RNF6: variants seen among roughly 807,000 people sequenced by gnomAD.
RNF6 encodes ring finger protein 6.
In RNF6, 21 loss-of-function variants were observed where a neutral mutation model predicts 50.1. The observed-to-expected ratio is 0.42, with a 90% CI of 0.30 to 0.60. RNF6 has a LOEUF of 0.60. Ranked by LOEUF, RNF6 falls within the 20% of genes least tolerant of loss-of-function variation. RNF6 has a pLI of 0.20. For missense variants in RNF6, 698 were observed against 838.2 expected, an observed-to-expected ratio of 0.83 and a Z score of 2.07; for synonymous variants, 255 against 291.8, an observed-to-expected ratio of 0.87 and a Z score of 1.29.
chr13:26,174,218 G>A (rs1278277742), intron 5 of RNF6, among the ~76,000 whole-genome samples: 3 of 152,102 alleles, frequency 2.0e-5, no homozygotes, highest in African/African-American at 7.2e-5. Flanking sequence ...CATCCTCTCG[G>A]TGCCTGTCTC....
intron 5 of RNF6, among the ~76,000 whole-genome samples, chr13:26,144,380 C>CT (rs1871122952): frequency 1.1e-4 from 3 of 27,450 alleles, no homozygotes; most frequent in African/African-American, 1.6e-4. Flanking sequence ...GAAATATCTT[C>CT]ATTTTTTTTT....
In RNF6 at chr13:26,213,177, C is replaced by T. The variant is rs188188192; in HGVS notation, c.*647G>A. On this transcript the variant is annotated 3_prime_UTR_variant, in exon 5 of 5. Transcript: ENST00000381588. ...CTCTACTTTAAAATTATATCTGAATCCCCTTTCTCTGAGATGAACTTGCCA... is the reference window on the plus strand; with the variant it reads ...CTCTACTTTAAAATTATATCTGAATTCCCTTTCTCTGAGATGAACTTGCCA... The T allele has an allele frequency of 6.6e-6, 1 of 152,648 alleles. No individual in the cohort carries two copies. The highest frequency in any genetic ancestry group is 6.5e-5 in the Admixed American group (1 of 15,282). The allele number at this position is 152,648 out of a possible 1,614,324, so 9.5% of individuals were successfully genotyped here.
chr13:26,222,188 C>G lies in RNF6; in HGVS notation c.-287G>C, dbSNP rs560517939. The G allele has an allele frequency of 6.6e-6, 1 of 152,386 alleles. No homozygotes were observed. Among genetic ancestry groups the G allele is most frequent in the African/African-American group, 2.4e-5 (1 of 41,472 alleles). 9.4% of individuals were successfully genotyped at this position (152,386 alleles called of 1,614,324 possible). A position where few individuals can be genotyped will look rare whatever the true frequency, so the allele number is the denominator to read the frequency against. The stretch of plus-strand genomic sequence containing the variant: ...GGAAGCCCGTGCTGCAGCGTGGGGT[C>G]GTCCAGCTGGAGGGGATACTCGGGA... On this transcript the variant is annotated 5_prime_UTR_variant, in exon 1 of 5. Transcript: ENST00000381588.
chr13:26,218,888 A>G (rs1870174742), intron 3 of RNF6, among the ~76,000 whole-genome samples: 1 of 152,228 alleles, frequency 6.6e-6, no homozygotes, highest in African/African-American at 2.4e-5. Context: ...TCTATAAGCT[A>G]TAACTGTGGA....
chr13:26,150,959 T>C (rs923807491), intron 5 of RNF6: 24 of 152,330 alleles, frequency 1.6e-4, no homozygotes, highest in African/African-American at 5.8e-4. Context: ...TCTTGTTATA[T>C]TTTGCTCAAA....
rs968974243 is a variant in RNF6 at position 26,219,634 on chromosome 13, A to G, written c.16T>C (p.Ser6Pro). 10 of 1,613,178 alleles carry G rather than the reference A, an allele frequency of 6.2e-6. No individual in the cohort carries two copies. The Admixed American group carries it at 1.7e-4, about 27-fold the overall frequency. MNQSR[S>P]RSDGGSEETL... ...TCTTCACTGCCACCATCTGATCTCG[A>G]TCTAGACTGATTCATCCTGAGATTC... is the stretch of plus-strand genomic sequence containing the variant. Residue 6 changes from serine to proline, a missense_variant, in exon 3 of 5, where the codon TCG (serine) becomes CCG (proline). Ser to Pro is a moderately conservative substitution (Grantham distance 74). Transcript: ENST00000381588.
At chr13:26,146,619 A>G (rs1375420105) in intron 5 of RNF6, among the ~76,000 whole-genome samples, 1 of 152,292 alleles carries the variant, frequency 6.6e-6, no homozygotes, top group East Asian at 1.9e-4. Flanking sequence ...ACGCCTTAGA[A>G]TCCTGCCTTC....
In RNF6 at chr13:26,173,010, G is replaced by C. The variant is rs920085077; in HGVS notation, n.769-40559C>G. ...GTAATTTAGAGAAGGAGAAAAGCCA[G>C]GTGGATCATAATTATATGAGAACAT... On this transcript the variant is annotated intron_variant and non_coding_transcript_variant, in intron 5 of 5. Transcript: ENST00000468480. Among the ~76,000 whole-genome samples, 8 of 152,184 alleles carry C rather than the reference G, an allele frequency of 5.3e-5. No individual in the cohort carries two copies. In the East Asian group the frequency reaches 1.2e-3, roughly 22 times the overall value.
intron 5 of RNF6, among the ~76,000 whole-genome samples, chr13:26,148,405 T>C (rs1871362548): frequency 6.6e-6 from 1 of 151,860 alleles, no homozygotes. Flanking sequence ...AATTTGCATA[T>C]TTCTATGGCC....
chr13:26,153,033 G>T (rs1201973126), intron 5 of RNF6, among the ~76,000 whole-genome samples: 5 of 151,864 alleles, frequency 3.3e-5, no homozygotes, highest in Non-Finnish European at 5.9e-5. Flanking sequence ...CTCGCCTGTA[G>T]TCCCGGCTAC....
chr13:26,164,750 C>A (rs935066738), intron 5 of RNF6, among the ~76,000 whole-genome samples: 1 of 152,066 alleles, frequency 6.6e-6, no homozygotes, highest in South Asian at 2.1e-4. Context: ...TGGATGAGAT[C>A]TTGCTTTCCC....
rs531325429 is a variant in RNF6, at chr13:26,176,413, C to T, written n.768+39061G>A. 7.7e-3 allele frequency among the ~76,000 whole-genome samples: 1,177 copies of T among 152,274 alleles called. 9 individuals are homozygous for T. The highest frequency in any genetic ancestry group is 0.012 in the Non-Finnish European group (798 of 68,014). ...CAAGCGATCCTCCCACCTCGACCTT[C>T]CAAAGTCATTGGATTACAGGCATGA... On this transcript the variant is annotated intron_variant and non_coding_transcript_variant, in intron 5 of 5. Transcript: ENST00000468480.
chr13:26,203,773 A>G (rs1412630817), intron 5 of RNF6, among the ~76,000 whole-genome samples: 1 of 152,100 alleles, frequency 6.6e-6, no homozygotes, highest in Non-Finnish European at 1.5e-5. Context: ...CATCCTGGCT[A>G]ACACAGTGAA....
chr13:26,144,852 C>T (rs186473244), intron 5 of RNF6: 2 of 152,326 alleles, frequency 1.3e-5, no homozygotes, highest in Admixed American at 1.3e-4. Context: ...TGCTTCAGGG[C>T]CTGCTTGGCC....
In RNF6 at chr13:26,213,882, C is replaced by A. The variant is rs371136721; in HGVS notation, c.2000G>T (p.Cys667Phe). The change falls in exon 5 of 5, where the codon TGC becomes TTC. Residue 667 changes from cysteine to phenylalanine, a missense_variant. By Grantham distance (205) the Cys-to-Phe change is radical. Transcript: ENST00000381588. ...AGGCTGCCGACAGATCGGACAAGTG[C>A]AATTCTCTGAGAGCCATCGGTCAAT... ...HCIDRWLSEN[C>F]TCPICRQPVL... is the part of the protein sequence containing the mutation. 4.3e-6 allele frequency: 7 copies of A among 1,613,402 alleles called. No individual in the cohort carries two copies. The highest frequency in any genetic ancestry group is 5.9e-6 in the Non-Finnish European group (7 of 1,179,608).
chr13:26,216,856 G>T (rs1869930386), intron 4 of RNF6, among the ~76,000 whole-genome samples: 1 of 152,200 alleles, frequency 6.6e-6, no homozygotes, highest in Non-Finnish European at 1.5e-5. Flanking sequence ...TCAGGAGGCT[G>T]AGGCAGGAGA....
chr13:26,196,524 T>C (rs1455933118), intron 5 of RNF6, among the ~76,000 whole-genome samples: 1 of 149,604 alleles, frequency 6.7e-6, no homozygotes, highest in Non-Finnish European at 1.5e-5. Context: ...TCCCAACTAC[T>C]TGGGAGGCTG....
At chr13:26,176,115 G>T (rs75158260) in intron 5 of RNF6, among the ~76,000 whole-genome samples, 12,314 of 152,214 alleles carry the variant, frequency 0.081, 535 homozygotes, top group Middle Eastern at 0.13. Context: ...CGTGAGGCCT[G>T]ATGTGAACTA....
At chr13:26,174,897 G>A (rs1333395856) in intron 5 of RNF6, among the ~76,000 whole-genome samples, 7 of 152,118 alleles carry the variant, frequency 4.6e-5, no homozygotes, top group African/African-American at 1.7e-4. Flanking sequence ...CAGTCAGAGT[G>A]GATTGGGGCC....
Sources: gnomAD v4.1 joint callset for allele counts (sites outside exome capture counted in the v4.1 genomes callset) on GRCh38, gnomAD v4.1.1 for gene constraint, MANE v1.5 for transcripts, NCBI Gene and HGNC (gene_info 2026-07-23, HGNC 2026-07-21) for gene names.